Variants in MAP7D2 observed in about 807,000 individuals in gnomAD.
The protein encoded by MAP7D2 is MAP7 domain containing 2.
A neutral mutation model predicts 63.5 loss-of-function variants in MAP7D2; 33 were observed. The observed-to-expected ratio is 0.52, with a 90% confidence interval of 0.39 to 0.70. MAP7D2 has a LOEUF of 0.70. Among genes scored for constraint, MAP7D2 ranks in the 30% least tolerant of loss-of-function variants. The pLI, the probability that MAP7D2 is intolerant of heterozygous loss-of-function variation, is 0.00. For missense variants in MAP7D2, 626 were observed against 604.0 expected (o/e 1.04, Z -0.38); for synonymous variants, 224 against 223.7 (o/e 1.00, Z -0.01).
chrX:20,037,576 T>G (rs1471294663), intron 8 of MAP7D2, among the ~76,000 whole-genome samples: 1 of 111,266 alleles, frequency 9.0e-6, no homozygotes. Context: ...AGGACAGTGG[T>G]GAAGGGAAAT....
intron 1 of MAP7D2, among the ~76,000 whole-genome samples, chrX:20,066,666 C>T (rs957774915): frequency 8.9e-6 from 1 of 111,831 alleles, no homozygotes; most frequent in African/African-American, 3.3e-5. Context: ...TACCTCAGCA[C>T]TGCCCTTTCT....
intron 8 of MAP7D2, among the ~76,000 whole-genome samples, chrX:20,038,438 C>T (rs1010849509): frequency 8.9e-6 from 1 of 111,803 alleles, no homozygotes; most frequent in Non-Finnish European, 1.9e-5. Context: ...GTGGAATGGC[C>T]TTTTGAAGTC....
chrX:20,032,132 C>A (rs1353277348), intron 8 of MAP7D2, among the ~76,000 whole-genome samples: 2 of 111,661 alleles, frequency 1.8e-5, no homozygotes, highest in Admixed American at 9.5e-5. Flanking sequence ...GAAATGATTT[C>A]GAAATTTAAA....
At chrX:20,110,081 G>C (rs1191158469) in intron 1 of MAP7D2, among the ~76,000 whole-genome samples, 1 of 109,090 alleles carries the variant, frequency 9.2e-6, no homozygotes, top group Admixed American at 9.8e-5. Context: ...TAAAGTGGAT[G>C]GTTGCACAGA....
intron 1 of MAP7D2, among the ~76,000 whole-genome samples, chrX:20,115,598 A>G (rs1025074836): frequency 9.0e-6 from 1 of 111,687 alleles, no homozygotes; most frequent in Non-Finnish European, 1.9e-5. Context: ...TTAAAATAGC[A>G]TAATGAAAAA....
At chrX:20,038,723 G>A (rs775185576) in intron 8 of MAP7D2, among the ~76,000 whole-genome samples, 1 of 111,360 alleles carries the variant, frequency 9.0e-6, no homozygotes, top group Admixed American at 9.6e-5. Context: ...GCTGCCACCA[G>A]GAGATACAAC....
chrX:20,072,599 C>T (rs2065533083), intron 1 of MAP7D2, among the ~76,000 whole-genome samples: 1 of 111,496 alleles, frequency 9.0e-6, no homozygotes. Flanking sequence ...GTCTTGGCCT[C>T]CAGGGGATTG....
intron 8 of MAP7D2, among the ~76,000 whole-genome samples, chrX:20,028,329 C>G (rs1245189563): frequency 2.7e-5 from 3 of 112,042 alleles, no homozygotes; most frequent in African/African-American, 9.7e-5. Context: ...CTTTATAGAA[C>G]TGGCATAGAG....
chrX:20,094,548 A>ATG (rs2066190470), intron 1 of MAP7D2, among the ~76,000 whole-genome samples: 1 of 9,098 alleles, frequency 1.1e-4, no homozygotes, highest in Admixed American at 2.2e-3. Context: ...ATATGTATAT[A>ATG]TATATATATA....
chrX:20,012,933 A>C, intron 14 of MAP7D2, 121 bp downstream of exon 14: 1 of 558,601 alleles, frequency 1.8e-6, no homozygotes, highest in Non-Finnish European at 2.9e-6. Context: ...GGGAAGGGAA[A>C]CTGCACAGGC....
chrX:20,097,193 T>G (rs1314866105), intron 1 of MAP7D2, among the ~76,000 whole-genome samples: 4 of 112,505 alleles, frequency 3.6e-5, no homozygotes, highest in Admixed American at 9.4e-5. Context: ...TACTTTTATT[T>G]AATTTTAATT....
At chrX:20,053,309 T>A (rs67745410) in intron 4 of MAP7D2, among the ~76,000 whole-genome samples, 9,932 of 111,820 alleles carry the variant, frequency 0.089, 1,036 homozygotes, top group African/African-American at 0.3. Context: ...GTCTAGGGAT[T>A]TTTGAGCATG....
chrX:20,080,807 A>G (rs1170574870), intron 1 of MAP7D2, among the ~76,000 whole-genome samples: 2 of 111,869 alleles, frequency 1.8e-5, no homozygotes, highest in Non-Finnish European at 3.8e-5. Flanking sequence ...GAGGGAAAAG[A>G]GGGAACTGCT....
intron 1 of MAP7D2, 132 bp from the exon 2 acceptor site, chrX:20,064,937 A>G: frequency 2.0e-6 from 1 of 510,459 alleles, no homozygotes; most frequent in Non-Finnish European, 3.4e-6. Flanking sequence ...ACTTCAACCA[A>G]AGGAAGTCCA....
intron 10 of MAP7D2, 144 bp downstream of exon 10, chrX:20,024,806 CA>C (rs1282655301): frequency 3.4e-6 from 2 of 579,945 alleles, no homozygotes; most frequent in Non-Finnish European, 5.3e-6. Flanking sequence ...GTCTCCTGAA[CA>C]CCTTCCATGT....
rs1053850112 is a variant in MAP7D2, at chrX:20,062,106, A to C, written c.372+1308T>G. Among the ~76,000 whole-genome samples, 4 of 112,833 alleles carry C rather than the reference A, an allele frequency of 3.5e-5. No individual in the cohort carries two copies. The Admixed American group carries it at 3.7e-4, about 11-fold the overall frequency. ...TCTTGACCTTGCTTTAGCCAAGCTC[A>C]GCTGAAGTAACTAAACAGAATGTAA... On this transcript the variant is annotated intron_variant, in intron 3 of 16. Coordinates refer to ENST00000379643, the MANE Select transcript of MAP7D2 (RefSeq NM_001168465.2).
chrX:20,075,642 C>CA (rs1352710994), intron 1 of MAP7D2, among the ~76,000 whole-genome samples: 1 of 111,210 alleles, frequency 9.0e-6, no homozygotes, highest in African/African-American at 3.3e-5. Context: ...GAGGACGAGG[C>CA]AAAAAGCTGC....
At chrX:20,013,288 C>T (rs1022136882) in intron 13 of MAP7D2, among the ~76,000 whole-genome samples, 156 bp from the exon 14 acceptor site, 3 of 112,047 alleles carry the variant, frequency 2.7e-5, no homozygotes, top group Non-Finnish European at 3.8e-5. Context: ...CTTATTCTTA[C>T]GTATTTTTAT....
intron 1 of MAP7D2, among the ~76,000 whole-genome samples, chrX:20,075,778 A>T (rs919005790): frequency 8.9e-6 from 1 of 111,838 alleles, no homozygotes; most frequent in African/African-American, 3.3e-5. Flanking sequence ...TTTATTTGGG[A>T]TACTTATTTT....
Sources: gnomAD v4.1 joint callset for allele counts (sites outside exome capture counted in the v4.1 genomes callset) on GRCh38, gnomAD v4.1.1 for gene constraint, MANE v1.5 for transcripts, NCBI Gene and HGNC (gene_info 2026-07-23, HGNC 2026-07-21) for gene names.